Variants in STEAP1B observed in about 807,000 individuals in gnomAD.
STEAP1B encodes the protein STEAP family protein MGC87042.
A neutral mutation model predicts 27.9 loss-of-function variants in STEAP1B; 13 were observed. The observed-to-expected ratio is 0.47, with a 90% CI of 0.30 to 0.74. The LOEUF is 0.74. Among genes scored for constraint, STEAP1B ranks in the 30% least tolerant of loss-of-function variants. The probability of loss-of-function intolerance (pLI) is 0.06; values close to 1 mark genes in which losing one functional copy is unlikely to be tolerated. For missense variants in STEAP1B, 250 were observed against 298.7 expected (o/e 0.84, Z 1.20); for synonymous variants, 86 against 107.1 (o/e 0.80, Z 1.22).
intron 4 of STEAP1B, among the ~76,000 whole-genome samples, chr7:22,471,825 C>T (rs571296691): frequency 6.7e-6 from 1 of 148,438 alleles, no homozygotes. Flanking sequence ...ATGGCTTGAG[C>T]CTAGGAATTT....
chr7:22,420,079 G>A (rs978846813), intron 4 of STEAP1B, among the ~76,000 whole-genome samples: 1 of 152,134 alleles, frequency 6.6e-6, no homozygotes, highest in Non-Finnish European at 1.5e-5. Context: ...GGGGCAATGA[G>A]AGTCCCACCC....
chr7:22,427,093 G>C (rs1278007191), intron 4 of STEAP1B, among the ~76,000 whole-genome samples: 2 of 152,288 alleles, frequency 1.3e-5, no homozygotes, highest in Admixed American at 6.5e-5. Flanking sequence ...GGAGAAGAGA[G>C]GGTCACAGAG....
chr7:22,460,950 AT>A (rs1785668113), intron 4 of STEAP1B, among the ~76,000 whole-genome samples: 1 of 152,230 alleles, frequency 6.6e-6, no homozygotes, highest in Non-Finnish European at 1.5e-5. Flanking sequence ...CTTGTTGCTT[AT>A]CACAGAGCGT....
At chr7:22,480,414 CA>C (rs1408545676) in intron 4 of STEAP1B, among the ~76,000 whole-genome samples, 1 of 152,112 alleles carries the variant, frequency 6.6e-6, no homozygotes, top group Non-Finnish European at 1.5e-5. Flanking sequence ...GTGGTTATTC[CA>C]CAAAGGCGAC....
chr7:22,433,978 C>G (rs148690016), intron 4 of STEAP1B, among the ~76,000 whole-genome samples: 40 of 152,340 alleles, frequency 2.6e-4, no homozygotes, highest in African/African-American at 9.4e-4. Context: ...CCCATCCTGA[C>G]AGCTGGGAAG....
At chr7:22,422,431 A>C (rs1279271102) in intron 4 of STEAP1B, among the ~76,000 whole-genome samples, 1 of 152,222 alleles carries the variant, frequency 6.6e-6, no homozygotes, top group Non-Finnish European at 1.5e-5. Flanking sequence ...AAATAGCTTG[A>C]GCAACAACGT....
intron 4 of STEAP1B, among the ~76,000 whole-genome samples, chr7:22,444,352 T>C (rs926868257): frequency 1.9e-4 from 29 of 152,206 alleles, no homozygotes; most frequent in African/African-American, 6.5e-4. Flanking sequence ...CTTGTTTGCC[T>C]GGCTCTAGCC....
chr7:22,499,819 TTAA>T (rs779839343), intron 1 of STEAP1B, among the ~76,000 whole-genome samples: 5 of 152,320 alleles, frequency 3.3e-5, no homozygotes, highest in South Asian at 2.1e-4. Flanking sequence ...GAGCACAAAC[TTAA>T]TAATCTACCA....
chr7:22,490,321 T>A (rs375933872), intron 4 of STEAP1B, among the ~76,000 whole-genome samples: 8 of 152,202 alleles, frequency 5.3e-5, no homozygotes, highest in Non-Finnish European at 8.8e-5. Context: ...CCAAATTGCC[T>A]ACCTTATTTT....
At chr7:22,489,907 A>G (rs1424119204) in intron 4 of STEAP1B, among the ~76,000 whole-genome samples, 1 of 152,182 alleles carries the variant, frequency 6.6e-6, no homozygotes, top group African/African-American at 2.4e-5. Context: ...GGGTTATTTT[A>G]TAATCAGGAA....
intron 1 of STEAP1B, among the ~76,000 whole-genome samples, chr7:22,496,244 A>G (rs1786437814): frequency 6.6e-6 from 1 of 152,220 alleles, no homozygotes; most frequent in East Asian, 1.9e-4. Context: ...AACAAAGAAA[A>G]TATTTTGTAT....
At position 22,484,728 on chromosome 7, in the gene STEAP1B, T is replaced by C. The variant is rs146075269; in HGVS notation, c.762+7837A>G. Among the ~76,000 whole-genome samples, 86 of 152,370 alleles carry C rather than the reference T, an allele frequency of 5.6e-4. No individual in the cohort carries two copies. In the East Asian group the frequency reaches 0.015, roughly 26 times the overall value. ...TCTTAATGGATCTGGGCAAAGTCAA[T>C]TGAGAATCTTCTGGAAAGATTTACC... On this transcript the variant is annotated intron_variant, in intron 4 of 4. Coordinates refer to ENST00000678116, the MANE Select transcript of STEAP1B (RefSeq NM_001382447.1).
intron 4 of STEAP1B, among the ~76,000 whole-genome samples, chr7:22,460,604 A>G (rs1412377955): frequency 6.6e-6 from 1 of 152,108 alleles, no homozygotes; most frequent in African/African-American, 2.4e-5. Flanking sequence ...AGGAGCTCTT[A>G]AGAGCGCACA....
chr7:22,463,981 C>A (rs958037511), intron 4 of STEAP1B, among the ~76,000 whole-genome samples: 19 of 151,902 alleles, frequency 1.3e-4, no homozygotes, highest in Admixed American at 3.9e-4. Flanking sequence ...TAAAGAGCAT[C>A]TGCACAGCAA....
chr7:22,480,905 A>T (rs190520222), intron 4 of STEAP1B, among the ~76,000 whole-genome samples: 4 of 152,346 alleles, frequency 2.6e-5, no homozygotes, highest in African/African-American at 7.2e-5. Flanking sequence ...CTCTCTGTCC[A>T]TGGGACCACA....
intron 4 of STEAP1B, among the ~76,000 whole-genome samples, chr7:22,426,838 C>A (rs1354737482): frequency 6.6e-6 from 1 of 152,182 alleles, no homozygotes; most frequent in East Asian, 1.9e-4. Context: ...GGCAATGATG[C>A]ATGCTAAGAA....
intron 4 of STEAP1B, among the ~76,000 whole-genome samples, chr7:22,477,860 A>G (rs1026332963): frequency 6.6e-6 from 1 of 152,106 alleles, no homozygotes; most frequent in African/African-American, 2.4e-5. Flanking sequence ...CACATTTCCT[A>G]TGTAGACCTG....
At chr7:22,471,993 G>A (rs1785894175) in intron 4 of STEAP1B, among the ~76,000 whole-genome samples, 1 of 151,330 alleles carries the variant, frequency 6.6e-6, no homozygotes. Flanking sequence ...TGGAAGAATA[G>A]GTTAACCACC....
At chr7:22,438,189 CT>C (rs1227599004) in intron 4 of STEAP1B, among the ~76,000 whole-genome samples, 6 of 152,112 alleles carry the variant, frequency 3.9e-5, no homozygotes, top group African/African-American at 1.4e-4. Flanking sequence ...GTTTTCTTCC[CT>C]TGTTGTTGTT....
Sources: allele counts gnomAD v4.1 joint callset (sites outside exome capture counted in the v4.1 genomes callset), GRCh38; gene constraint gnomAD v4.1.1; transcripts MANE v1.5; gene names NCBI Gene and HGNC (gene_info 2026-07-23, HGNC 2026-07-21).